MN1: variants seen among roughly 807,000 people sequenced by gnomAD.
MN1 encodes transcriptional activator MN1.
Under a neutral mutation model 86.9 loss-of-function variants are expected in MN1, and 19 were observed. That is an observed-to-expected ratio of 0.22 (90% confidence interval 0.15 to 0.32). The LOEUF (loss-of-function observed/expected upper bound fraction) is 0.32, where lower values mean the gene tolerates loss of function less well. Among genes scored for constraint, MN1 ranks in the 10% least tolerant of loss-of-function variants. The pLI, the probability that MN1 is intolerant of heterozygous loss-of-function variation, is 1.00. For missense variants in MN1, 1,841 were observed against 1,862.0 expected (o/e 0.99, Z 0.21); for synonymous variants, 928 against 849.6 (o/e 1.09, Z -1.60).
rs1933316861 is a variant in MN1 at position 27,797,326 on chromosome 22, C to T, written c.3218G>A (p.Ser1073Asn). ...SDNPQALVKA[S>N]RSPLVTGSPK... ...CGAGCCGGTCACCAGGGGACTCCTG[C>T]TCGCTTTAACTAGTGCCTGGGGGTT... The change falls in exon 1 of 2, where the codon AGC becomes AAC. Residue 1073 changes from serine to asparagine, a missense_variant. Physicochemically the swap from Ser to Asn is conservative, Grantham distance 46 (BLOSUM62 1). Transcript: ENST00000302326. 6.2e-6 allele frequency: 10 copies of T among 1,604,082 alleles called. No homozygotes were observed. The highest frequency in any genetic ancestry group is 8.5e-6 in the Non-Finnish European group (10 of 1,179,818).
chr22:27,761,760 C>T (rs45532834), intron 1 of MN1, among the ~76,000 whole-genome samples: 1,911 of 152,340 alleles, frequency 0.013, 18 homozygotes, highest in Non-Finnish European at 0.018. Flanking sequence ...AGAGGCCTCG[C>T]GCCGGCCGCT....
In MN1 at chr22:27,797,710, C is replaced by A. The variant is rs768373028; in HGVS notation, c.2834G>T (p.Arg945Leu). ...VSGGGGRGRGRRKRDSGHVSP... is the reference protein window; with the variant it reads ...VSGGGGRGRGLRKRDSGHVSP... ...CACGTGACCACTGTCCCTTTTTCTGCGACCCCGTCCCCGGCCGCCGCCCCC... is the reference window on the plus strand; with the variant it reads ...CACGTGACCACTGTCCCTTTTTCTGAGACCCCGTCCCCGGCCGCCGCCCCC... The change falls in exon 1 of 2, where the codon CGC (arginine) becomes CTC (leucine). Residue 945 changes from arginine (R) to leucine (L), a missense_variant. Transcript: ENST00000302326. The A allele has an allele frequency of 1.9e-6, 3 of 1,610,446 alleles. No homozygotes were observed. The highest frequency in any genetic ancestry group is 2.5e-6 in the Non-Finnish European group (3 of 1,179,048).
chr22:27,764,608 G>C (rs1198171875), intron 1 of MN1, among the ~76,000 whole-genome samples: 1 of 152,224 alleles, frequency 6.6e-6, no homozygotes, highest in Non-Finnish European at 1.5e-5. Flanking sequence ...ACTCGTGCCA[G>C]GTCATCCAAC....
At chr22:27,791,560 C>T (rs749087769) in intron 1 of MN1, among the ~76,000 whole-genome samples, 2 of 151,968 alleles carry the variant, frequency 1.3e-5, no homozygotes, top group Non-Finnish European at 2.9e-5. Context: ...CTGGTTGCAG[C>T]CCCCCACCCC....
chr22:27,760,978 C>T (rs1932830770), intron 1 of MN1, among the ~76,000 whole-genome samples: 1 of 152,202 alleles, frequency 6.6e-6, no homozygotes, highest in African/African-American at 2.4e-5. Context: ...CAGCAGAGGA[C>T]ACTGAGCCTC....
At position 27,799,614 on chromosome 22, in the gene MN1, ATGCTGCTGCTGCTGCTGCTGGGGC is replaced by A. The variant is rs771479595; in HGVS notation, c.906_929del (p.Gln302_Gln309del). The A allele has an allele frequency of 1.3e-5, 20 of 1,540,182 alleles. No homozygotes were observed. The highest frequency in any genetic ancestry group is 1.1e-4 in the South Asian group (9 of 82,544). On this transcript the variant is annotated inframe_deletion, in exon 1 of 2. Coordinates refer to ENST00000302326, the MANE Select transcript of MN1 (RefSeq NM_002430.3). The stretch of plus-strand genomic sequence containing the variant: ...CACTGAACCTCTCAAAGAACACACC[ATGCTGCTGCTGCTGCTGCTGGGGC>A]TGCTGCTGCTGCTGGGGCTGCTGCT...
intron 1 of MN1, among the ~76,000 whole-genome samples, chr22:27,767,601 G>A (rs1249042243): frequency 6.6e-6 from 1 of 152,064 alleles, no homozygotes; most frequent in Non-Finnish European, 1.5e-5. Context: ...CACCCAGAAA[G>A]GCCACCTTCC....
Position 27,749,334 on chromosome 22 carries a change from G to T in MN1, c.*1581C>A, listed in dbSNP as rs554922651. On this transcript the variant is annotated 3_prime_UTR_variant, in exon 2 of 2. Coordinates refer to ENST00000302326, the MANE Select transcript of MN1 (RefSeq NM_002430.3). ...ATCTGCAAACTCTGAGGACCTGGAG[G>T]GGGTGGGGGAGCTCAAAGTGGAGCG... The T allele has an allele frequency of 1.3e-5, 3 of 232,132 alleles. No individual in the cohort carries two copies. Among genetic ancestry groups the T allele is most frequent in the African/African-American group, 2.2e-5 (1 of 45,264 alleles). The allele number at this position is 232,132 out of a possible 1,614,324, so 14.4% of individuals were successfully genotyped here.
Position 27,799,670 on chromosome 22 carries a change from G to C in MN1, c.874C>G (p.Pro292Ala). 1.3e-6 allele frequency: 2 copies of C among 1,551,884 alleles called. No homozygotes were observed. The change falls in exon 1 of 2, where the codon CCA (proline) becomes GCA (alanine). Residue 292 changes from proline to alanine, a missense_variant. Transcript: ENST00000302326. ...MVGLSKMHAQ[P>A]PQQQPQQQQQ... ...TGCTGCTGGGGCTGCTGCTGCGGTG[G>C]CTGGGCGTGCATTTTGGACAAGCCC... is the stretch of plus-strand genomic sequence containing the variant.
At chr22:27,754,256 C>T (rs1333406401) in intron 1 of MN1, among the ~76,000 whole-genome samples, 1 of 152,198 alleles carries the variant, frequency 6.6e-6, no homozygotes, top group Non-Finnish European at 1.5e-5. Flanking sequence ...CAGCCATAAG[C>T]GTGCCGTGCA....
rs768699089 is a variant in MN1, at chr22:27,800,303, C to T, written c.241G>A (p.Gly81Arg). The change falls in exon 1 of 2, where the codon GGG becomes AGG. Residue 81 changes from glycine to arginine, a missense_variant. Transcript: ENST00000302326. ...TGCACAGGCTGCGCTTGCAGCCCCC[C>T]TGCGTGCAACTCCGAGTGGCCGCGC... ...HARGHSELHA[G>R]GLQAQPVHGF... 6.3e-7 allele frequency: 1 copy of T among 1,576,860 alleles called. No individual in the cohort carries two copies. The highest frequency in any genetic ancestry group is 1.8e-5 in the Admixed American group (1 of 55,848).
chr22:27,756,810 C>T lies in MN1; in HGVS notation c.3782-5714G>A, dbSNP rs371512534. On this transcript the variant is annotated intron_variant, in intron 1 of 1. Transcript: ENST00000302326. ...TCGCTCTGTCATCCAGGCTGGAGTGCAGTGGCACAATCATAGCTCACTGCA... is the reference window on the plus strand; with the variant it reads ...TCGCTCTGTCATCCAGGCTGGAGTGTAGTGGCACAATCATAGCTCACTGCA... Among the ~76,000 whole-genome samples the T allele has an allele frequency of 1.7e-3, 257 of 152,302 alleles. 14 individuals are homozygous for T. In the South Asian group the frequency reaches 0.052, roughly 31 times the overall value.
At chr22:27,758,150 C>T (rs73433176) in intron 1 of MN1, among the ~76,000 whole-genome samples, 2,427 of 152,154 alleles carry the variant, frequency 0.016, 65 homozygotes, top group African/African-American at 0.056. Flanking sequence ...CCCAGTGCCT[C>T]GCAGCTTTGC....
chr22:27,779,506 G>A (rs530063950), intron 1 of MN1, among the ~76,000 whole-genome samples: 1 of 152,330 alleles, frequency 6.6e-6, no homozygotes, highest in South Asian at 2.1e-4. Context: ...TCCAGCATCT[G>A]TTGGTAGGAA....
intron 1 of MN1, among the ~76,000 whole-genome samples, chr22:27,755,662 A>T (rs1458905870): frequency 1.3e-5 from 2 of 152,000 alleles, no homozygotes; most frequent in African/African-American, 4.8e-5. Context: ...CCTGAACACC[A>T]CAGCACTTCA....
At chr22:27,762,744 G>A (rs1413929566) in intron 1 of MN1, among the ~76,000 whole-genome samples, 1 of 151,876 alleles carries the variant, frequency 6.6e-6, no homozygotes, top group Non-Finnish European at 1.5e-5. Flanking sequence ...CTAGCACTCT[G>A]CCTGGCAAGT....
At chr22:27,781,926 C>T (rs1283398270) in intron 1 of MN1, among the ~76,000 whole-genome samples, 1 of 152,146 alleles carries the variant, frequency 6.6e-6, no homozygotes, top group South Asian at 2.1e-4. Flanking sequence ...TGAGGCCCCA[C>T]CTGAGTTGCC....
chr22:27,754,261 C>G (rs959915066), intron 1 of MN1, among the ~76,000 whole-genome samples: 1 of 152,200 alleles, frequency 6.6e-6, no homozygotes, highest in Non-Finnish European at 1.5e-5. Context: ...ATAAGCGTGC[C>G]GTGCACTAAC....
rs1312333122 is a variant in MN1 at position 27,801,694 on chromosome 22, T to C, written c.-1151A>G. ...AGCGGGGGGGCTCTGCGTGGGGCGTTCCGAGGGTCTCGGCTCCCCTCTCTG... is the reference window on the plus strand; with the variant it reads ...AGCGGGGGGGCTCTGCGTGGGGCGTCCCGAGGGTCTCGGCTCCCCTCTCTG... On this transcript the variant is annotated 5_prime_UTR_variant, in exon 1 of 2. Coordinates refer to ENST00000302326, the MANE Select transcript of MN1 (RefSeq NM_002430.3). Among the ~76,000 whole-genome samples the C allele has an allele frequency of 6.6e-6, 1 of 152,032 alleles. No homozygotes were observed. Among genetic ancestry groups the C allele is most frequent in the Admixed American group, 6.5e-5 (1 of 15,284 alleles).
Sources: gnomAD v4.1 joint callset for allele counts (sites outside exome capture counted in the v4.1 genomes callset) on GRCh38, gnomAD v4.1.1 for gene constraint, MANE v1.5 for transcripts, NCBI Gene and HGNC (gene_info 2026-07-23, HGNC 2026-07-21) for gene names.